The following PAQR3 variants were observed in gnomAD, a reference collection of about 807,000 sequenced individuals.
PAQR3 encodes Raf kinase trapping to Golgi.
In PAQR3, 39 loss-of-function variants were observed where a neutral mutation model predicts 41.7. The observed-to-expected ratio is 0.93, with a 90% CI of 0.72 to 1.22. The LOEUF is 1.22. PAQR3 is among the 50% of genes most tolerant of loss of function. The pLI is 0.00. For missense variants in PAQR3, 366 were observed against 385.6 expected, an observed-to-expected ratio of 0.95 and a Z score of 0.42; for synonymous variants, 140 against 140.6, an observed-to-expected ratio of 1.00 and a Z score of 0.03.
rs920247476 is a variant in PAQR3 at position 78,912,847 on chromosome 4, TAAG to T, written c.*7689_*7691del. Reference sequence around the variant, plus strand: ...ATATCTGACATTTGTAAAGAAATTATAAGAAGAAAAAAAGATACAGAACAGAAA... The same window carrying T: ...ATATCTGACATTTGTAAAGAAATTATAAGAAAAAAAGATACAGAACAGAAA... On this transcript the variant is annotated 3_prime_UTR_variant, in exon 6 of 6. Coordinates refer to ENST00000512733, the MANE Select transcript of PAQR3 (RefSeq NM_001040202.2). The T allele has an allele frequency of 6.6e-6, 1 of 152,088 alleles. No homozygotes were observed. The highest frequency in any genetic ancestry group is 1.5e-5 in the Non-Finnish European group (1 of 67,988). 9.4% of individuals were successfully genotyped at this position (152,088 alleles called of 1,614,324 possible).
At position 78,912,257 on chromosome 4, in the gene PAQR3, AG is replaced by A. The variant is rs1403853572; in HGVS notation, c.*8281del. On this transcript the variant is annotated 3_prime_UTR_variant, in exon 6 of 6. Transcript: ENST00000512733. ...GGAGCTAAATTGCAAGCTCTAACTA[AG>A]GGTTTCTGCTACTGACATCACAACA... 1 of 476,984 alleles carries A rather than the reference AG, an allele frequency of 2.1e-6. No individual in the cohort carries two copies. Among genetic ancestry groups the A allele is most frequent in the Non-Finnish European group, 3.7e-6 (1 of 271,228 alleles). 29.5% of individuals were successfully genotyped at this position (476,984 alleles called of 1,614,324 possible). A position where few individuals can be genotyped will look rare whatever the true frequency, so the allele number is the denominator to read the frequency against.
downstream of PAQR3, chr4:78,910,559 G>A: frequency 7.3e-7 from 1 of 1,366,006 alleles, no homozygotes; most frequent in Non-Finnish European, 9.8e-7. Flanking sequence ...TAGTGCAAGA[G>A]GATTCTGAAA....
At chr4:78,887,096 A>G, downstream of PAQR3, 2 of 990,068 alleles carry the variant, frequency 2.0e-6, no homozygotes, top group Non-Finnish European at 3.0e-6. Context: ...ACTTTTATTT[A>G]TATGTATATC....
In PAQR3 at chr4:78,912,089, T is replaced by C; in HGVS notation, c.*8450A>G. ...CTGTTTCAAAAAAGTGTGAACAGTT[T>C]TATGAATTTGAAAGAAAATTTGGTA... On this transcript the variant is annotated 3_prime_UTR_variant, in exon 6 of 6. Coordinates refer to ENST00000512733, the MANE Select transcript of PAQR3 (RefSeq NM_001040202.2). 1 of 1,487,234 alleles carries C rather than the reference T, an allele frequency of 6.7e-7. No homozygotes were observed. Among genetic ancestry groups the C allele is most frequent in the Non-Finnish European group, 9.1e-7 (1 of 1,101,090 alleles). The allele number at this position is 1,487,234 out of a possible 1,614,324, so 92.1% of individuals were successfully genotyped here.
intron 2 of PAQR3, among the ~76,000 whole-genome samples, chr4:78,934,089 G>A (rs1737183444): frequency 6.6e-6 from 1 of 151,234 alleles, no homozygotes; most frequent in African/African-American, 2.4e-5. Flanking sequence ...ACCTCAGAAA[G>A]AGTTTATTTT....
Position 78,890,404 on chromosome 4 carries a change from G to GCACA in PAQR3, c.*837-2260_*837-2257dup, listed in dbSNP as rs149825379. On this transcript the variant is annotated intron_variant and NMD_transcript_variant, in intron 11 of 12. Transcript: ENST00000342820. ...CCGCCTCACACATACACAATCATGCGCACACACACACACACACACACACGT... is the reference window on the plus strand; with the variant it reads ...CCGCCTCACACATACACAATCATGCGCACACACACACACACACACACACACACGT... 1.0e-3 allele frequency among the ~76,000 whole-genome samples: 150 copies of GCACA among 148,064 alleles called. 1 individual carries two copies. Among genetic ancestry groups the GCACA allele is most frequent in the Middle Eastern group, 3.5e-3 (1 of 288 alleles).
rs1193924760 is a variant in PAQR3, at chr4:78,919,232, T to G, written c.*1307A>C. ...CTGATATTCAGTAATTTTACTGTTCTGAAAATACACCAGTATTTAAAACAG... is the reference window on the plus strand; with the variant it reads ...CTGATATTCAGTAATTTTACTGTTCGGAAAATACACCAGTATTTAAAACAG... On this transcript the variant is annotated 3_prime_UTR_variant, in exon 6 of 6. Coordinates refer to ENST00000512733, the MANE Select transcript of PAQR3 (RefSeq NM_001040202.2). The G allele has an allele frequency of 4.1e-6, 4 of 984,590 alleles. No individual in the cohort carries two copies. In the African/African-American group the frequency reaches 7.0e-5, roughly 17 times the overall value. The allele number at this position is 984,590 out of a possible 1,614,324, so 61.0% of individuals were successfully genotyped here.
rs1336592874 is a variant in PAQR3 at position 78,926,719 on chromosome 4, C to T, written c.505-1G>A. Reference sequence around the variant, plus strand: ...TGATCAAGTACACCTGACGCCAGTACTAGAATGAAAGGAAATCACATTTTA... The same window carrying T: ...TGATCAAGTACACCTGACGCCAGTATTAGAATGAAAGGAAATCACATTTTA... On this transcript the variant is annotated splice_acceptor_variant, in intron 3 of 5. Transcript: ENST00000512733. LOFTEE classifies it high-confidence loss of function. The T allele has an allele frequency of 3.1e-6, 5 of 1,612,248 alleles. No homozygotes were observed. Among genetic ancestry groups the T allele is most frequent in the Non-Finnish European group, 4.2e-6 (5 of 1,178,522 alleles).
intron 2 of PAQR3, chr4:78,930,546 GATA>G (rs911809683): frequency 5.8e-6 from 2 of 345,168 alleles, no homozygotes; most frequent in African/African-American, 4.2e-5. Context: ...GTAAAATGTA[GATA>G]ATAATAATGA....
intron 11 of PAQR3, among the ~76,000 whole-genome samples, chr4:78,901,797 A>G (rs1210229975): frequency 6.6e-6 from 1 of 152,192 alleles, no homozygotes; most frequent in Non-Finnish European, 1.5e-5. Context: ...ATTGTATTTG[A>G]AGAGTTTTAG....
Position 78,918,844 on chromosome 4 carries a change from C to A in PAQR3, c.*1695G>T. On this transcript the variant is annotated 3_prime_UTR_variant, in exon 6 of 6. Transcript: ENST00000512733. ...AATATCTATTAAAAGGCAATAAAAT[C>A]ATGTAAGCCAATAAGGGATGTTCTA... 1 of 984,520 alleles carries A rather than the reference C, an allele frequency of 1.0e-6. No homozygotes were observed. The highest frequency in any genetic ancestry group is 1.2e-6 in the Non-Finnish European group (1 of 829,302). 61.0% of individuals were successfully genotyped at this position (984,520 alleles called of 1,614,324 possible).
In PAQR3 at chr4:78,939,380, C is replaced by A. The variant is rs573730119; in HGVS notation, c.-156G>T. 1,030 of 499,960 alleles carry A rather than the reference C, an allele frequency of 2.1e-3. 9 individuals carry two copies. The highest frequency in any genetic ancestry group is 0.015 in the South Asian group (170 of 11,172). 31.0% of individuals were successfully genotyped at this position (499,960 alleles called of 1,614,324 possible). On this transcript the variant is annotated 5_prime_UTR_variant, in exon 1 of 6. Coordinates refer to ENST00000512733, the MANE Select transcript of PAQR3 (RefSeq NM_001040202.2). ...CTGCTGCCCAGGGCCCGGCTCTGCG[C>A]TCACACCGGCCACTGCCGCCAGCGC...
rs750880446 is a variant in PAQR3 at position 78,926,620 on chromosome 4, C to G, written c.603G>C (p.Arg201Ser). ...CAGAACAAAAGATGATAGAACGGAG[C>G]CTTTGCCATTGCTGCGTGAGGTAAT... ...HPNYLTQQWQ[R>S]LRSIIFCSVS... Residue 201 changes from arginine (R) to serine (S), a missense_variant, in exon 4 of 6, where the codon AGG becomes AGC. Coordinates refer to ENST00000512733, the MANE Select transcript of PAQR3 (RefSeq NM_001040202.2). 4 of 1,613,904 alleles carry G rather than the reference C, an allele frequency of 2.5e-6. No individual in the cohort carries two copies. Among genetic ancestry groups the G allele is most frequent in the Non-Finnish European group, 2.5e-6 (3 of 1,179,810 alleles).
chr4:78,934,278 C>G (rs180771315), intron 2 of PAQR3, among the ~76,000 whole-genome samples: 1 of 152,108 alleles, frequency 6.6e-6, no homozygotes, highest in Admixed American at 6.5e-5. Flanking sequence ...AAAATGATGA[C>G]TCTCTGAAAT....
chr4:78,933,091 G>C (rs538199377), intron 2 of PAQR3: 12 of 449,486 alleles, frequency 2.7e-5, no homozygotes, highest in Middle Eastern at 3.3e-4. Context: ...AGTCCAGAAA[G>C]TGCTAAGAAA....
At chr4:78,923,555 G>A in intron 5 of PAQR3, 1 of 368,342 alleles carries the variant, frequency 2.7e-6, no homozygotes, top group South Asian at 3.5e-5. Flanking sequence ...AGTTGACGGT[G>A]TTCTACTTTT....
intron 5 of PAQR3, chr4:78,922,015 A>C: frequency 9.9e-7 from 1 of 1,009,036 alleles, no homozygotes; most frequent in Non-Finnish European, 1.2e-6. Context: ...TTTAAGGCCT[A>C]AAACCCACTA....
chr4:78,904,669 A>G (rs1440825817), intron 11 of PAQR3, among the ~76,000 whole-genome samples: 3 of 151,970 alleles, frequency 2.0e-5, no homozygotes, highest in Admixed American at 6.6e-5. Flanking sequence ...TCATTTTCAG[A>G]TAGTAGAATT....
At chr4:78,890,184 A>G (rs1167186869) in intron 11 of PAQR3, among the ~76,000 whole-genome samples, 2 of 151,414 alleles carry the variant, frequency 1.3e-5, no homozygotes, top group Non-Finnish European at 3.0e-5. Context: ...AAAAAAAAAA[A>G]TCACTTCCTT....
Sources: allele counts gnomAD v4.1 joint callset (sites outside exome capture counted in the v4.1 genomes callset), GRCh38; gene constraint gnomAD v4.1.1; transcripts MANE v1.5; gene names NCBI Gene and HGNC (gene_info 2026-07-23, HGNC 2026-07-21).